FER: variants seen among roughly 807,000 people sequenced by gnomAD.
FER encodes tyrosine-protein kinase Fer.
Under a neutral mutation model 111.0 loss-of-function variants are expected in FER, and 63 were observed. The ratio of observed to expected loss-of-function variants is 0.57; its 90% CI spans 0.46 to 0.70. The LOEUF is 0.70. Among genes scored for constraint, FER ranks in the 30% least tolerant of loss-of-function variants. FER has a pLI of 0.00. For missense variants in FER, 914 were observed against 954.0 expected (o/e 0.96, Z 0.55); for synonymous variants, 327 against 313.9 (o/e 1.04, Z -0.44).
Position 109,169,874 on chromosome 5 carries a change from A to G in FER, c.2049-10873A>G, listed in dbSNP as rs1323190186. 2.0e-5 allele frequency among the ~76,000 whole-genome samples: 3 copies of G among 152,208 alleles called. No homozygotes were observed. The East Asian group carries it at 5.8e-4, about 29-fold the overall frequency. On this transcript the variant is annotated intron_variant, in intron 17 of 19. Transcript: ENST00000281092. ...CCATTATTGGCACTCTTGGTAAAGT[A>G]CAAAGTCAGTGGCATCCCTTGTACA...
intron 13 of FER, among the ~76,000 whole-genome samples, chr5:109,009,985 A>C (rs372612884): frequency 1.3e-5 from 2 of 152,214 alleles, no homozygotes; most frequent in South Asian, 2.1e-4. Context: ...CTGTTGGTCA[A>C]AGTAAGTAAC....
chr5:109,037,424 C>G lies in FER; in HGVS notation c.1659C>G (p.Asp553Glu). Residue 553 changes from aspartate (D) to glutamate (E), a missense_variant and splice_region_variant, in exon 14 of 20, where the codon GAC (aspartate) becomes GAG (glutamate). By Grantham distance (45) the Asp-to-Glu change is conservative (BLOSUM62 2). Around this residue, in one of 3 missense-constraint regions of FER, gnomAD observed 774 missense variants for 782.6 expected, o/e 0.99. Transcript: ENST00000281092. ...GVVLLNPIPK[D>E]KKWILSHEDV... ...ACTGTTCTTATTCTTTGCTGTAGGACAAGAAATGGATTCTCAGTCATGAAG... is the reference window on the plus strand; with the variant it reads ...ACTGTTCTTATTCTTTGCTGTAGGAGAAGAAATGGATTCTCAGTCATGAAG... The G allele has an allele frequency of 6.2e-7, 1 of 1,611,032 alleles. No individual in the cohort carries two copies. Among genetic ancestry groups the G allele is most frequent in the Non-Finnish European group, 8.5e-7 (1 of 1,177,846 alleles).
At chr5:109,187,333 A>G (rs1758993131) in intron 19 of FER, 100 bp from the exon 20 acceptor site, 7 of 1,251,022 alleles carry the variant, frequency 5.6e-6, no homozygotes, top group Non-Finnish European at 5.6e-6. Context: ...TATAACTACA[A>G]CATAAGGTAC....
chr5:108,871,145 A>G (rs1360177497), intron 6 of FER, among the ~76,000 whole-genome samples: 2 of 152,096 alleles, frequency 1.3e-5, no homozygotes, highest in African/African-American at 2.4e-5. Context: ...ATTCTATATC[A>G]TTTGTAATTA....
intron 7 of FER, among the ~76,000 whole-genome samples, chr5:108,871,721 C>T (rs968432841): frequency 1.3e-5 from 2 of 151,686 alleles, no homozygotes; most frequent in Non-Finnish European, 2.9e-5. Context: ...AGTTGTTAAT[C>T]CATATTTAAT....
chr5:109,113,446 A>G (rs1336937899), intron 17 of FER, among the ~76,000 whole-genome samples: 1 of 152,200 alleles, frequency 6.6e-6, no homozygotes, highest in Non-Finnish European at 1.5e-5. Flanking sequence ...TTACTGGATG[A>G]AAATGTCTGA....
intron 2 of FER, chr5:108,785,596 G>GA: frequency 2.3e-6 from 1 of 427,194 alleles, no homozygotes; most frequent in Admixed American, 3.0e-5. Flanking sequence ...CGAACAAACT[G>GA]GAAAAAAAAA....
At chr5:109,095,780 G>C (rs1025287457) in intron 16 of FER, among the ~76,000 whole-genome samples, 1 of 151,994 alleles carries the variant, frequency 6.6e-6, no homozygotes, top group Non-Finnish European at 1.5e-5. Flanking sequence ...GACATAAATG[G>C]ACCCCCAAAA....
rs992534455 is a variant in FER at position 109,192,682 on chromosome 5, G to A, written c.*5107G>A. On this transcript the variant is annotated 3_prime_UTR_variant, in exon 20 of 20. Transcript: ENST00000281092. ...TTTGGTTACAGTGAGGCTTAACCTG[G>A]GCTAAAGTCTCCTAAATGGGACTAC... 6.6e-6 allele frequency: 1 copy of A among 151,982 alleles called. No homozygotes were observed. Among genetic ancestry groups the A allele is most frequent in the Non-Finnish European group, 1.5e-5 (1 of 67,994 alleles). 9.4% of individuals were successfully genotyped at this position (151,982 alleles called of 1,614,324 possible). A position where few individuals can be genotyped will look rare whatever the true frequency, so the allele number is the denominator to read the frequency against.
chr5:109,176,063 A>C (rs147132043), intron 17 of FER, among the ~76,000 whole-genome samples: 1 of 152,316 alleles, frequency 6.6e-6, no homozygotes, highest in East Asian at 1.9e-4. Context: ...GTTGGTGAGA[A>C]TGTAAATTAA....
chr5:109,047,790 C>A (rs989833157), intron 16 of FER, among the ~76,000 whole-genome samples: 1 of 151,432 alleles, frequency 6.6e-6, no homozygotes, highest in Non-Finnish European at 1.5e-5. Context: ...GAATCACTTT[C>A]GAATTATGAA....
At chr5:109,134,386 G>A (rs77996170) in intron 17 of FER, among the ~76,000 whole-genome samples, 5,189 of 152,044 alleles carry the variant, frequency 0.034, 145 homozygotes, top group South Asian at 0.084. Flanking sequence ...AAATTAAAAG[G>A]GTGAAATAGA....
intron 13 of FER, among the ~76,000 whole-genome samples, chr5:109,008,778 C>T (rs1289918007): frequency 2.0e-5 from 3 of 152,050 alleles, no homozygotes; most frequent in Admixed American, 6.6e-5. Context: ...TGAGACCAGC[C>T]TGACCAACAT....
At chr5:108,785,840 G>A (rs976525151) in intron 2 of FER, among the ~76,000 whole-genome samples, 1 of 152,220 alleles carries the variant, frequency 6.6e-6, no homozygotes, top group Non-Finnish European at 1.5e-5. Context: ...TGAGGTAGGC[G>A]TAAGTCATCC....
chr5:109,125,801 G>C (rs1192107110), intron 17 of FER, among the ~76,000 whole-genome samples: 3 of 152,118 alleles, frequency 2.0e-5, no homozygotes, highest in African/African-American at 7.2e-5. Context: ...AGACTTTTGA[G>C]AAATAGTTTT....
rs761984815 is a variant in FER at position 108,832,754 on chromosome 5, T to TC, written c.208-16_208-15insC. On this transcript the variant is annotated splice_polypyrimidine_tract_variant and intron_variant, in intron 3 of 19. Coordinates refer to ENST00000281092, the MANE Select transcript of FER (RefSeq NM_005246.4). ...CTTTAATGCAAATGTTTGTTTCTTTTTTTTTTTTTTTTAAGTCTTGGCTAC... is the reference window on the plus strand; with the variant it reads ...CTTTAATGCAAATGTTTGTTTCTTTTCTTTTTTTTTTTTAAGTCTTGGCTAC... The TC allele has an allele frequency of 1.4e-6, 2 of 1,422,342 alleles. No homozygotes were observed. The highest frequency in any genetic ancestry group is 9.3e-7 in the Non-Finnish European group (1 of 1,076,230). The allele number at this position is 1,422,342 out of a possible 1,614,324, so 88.1% of individuals were successfully genotyped here.
chr5:108,931,093 T>C (rs1195904467), intron 10 of FER, among the ~76,000 whole-genome samples: 1 of 152,204 alleles, frequency 6.6e-6, no homozygotes, highest in Non-Finnish European at 1.5e-5. Context: ...CTTTCTAATC[T>C]ATAAAATGAG....
chr5:108,896,878 G>A (rs1001532285), intron 9 of FER, among the ~76,000 whole-genome samples: 14 of 152,120 alleles, frequency 9.2e-5, no homozygotes, highest in African/African-American at 3.1e-4. Flanking sequence ...AGCAGTGCAT[G>A]GCACGGTCCT....
At chr5:108,902,582 C>A (rs992883322) in intron 10 of FER, among the ~76,000 whole-genome samples, 4 of 152,070 alleles carry the variant, frequency 2.6e-5, no homozygotes, top group Non-Finnish European at 5.9e-5. Context: ...AAATATTGTC[C>A]CAATTCCCTT....
Sources: allele counts gnomAD v4.1 joint callset (sites outside exome capture counted in the v4.1 genomes callset), GRCh38; gene constraint gnomAD v4.1.1; regional missense constraint gnomAD v4.1.1; transcripts MANE v1.5; gene names NCBI Gene and HGNC (gene_info 2026-07-23, HGNC 2026-07-21).